SORCS1: variants seen among roughly 807,000 people sequenced by gnomAD.
SORCS1 encodes VPS10 domain-containing receptor SorCS1.
In SORCS1, 60 loss-of-function variants were observed where a neutral mutation model predicts 146.1. That is an observed-to-expected ratio of 0.41 (90% CI 0.33 to 0.51). The LOEUF is 0.51. SORCS1 is among the 20% of genes least tolerant of loss of function. The pLI is 0.21. For synonymous variants in SORCS1, 637 were observed against 584.0 expected (o/e 1.09, Z -1.31); for missense variants, 1,352 against 1,487.6 (o/e 0.91, Z 1.50).
At chr10:106,789,780 C>T (rs1946225245) in intron 3 of SORCS1, among the ~76,000 whole-genome samples, 1 of 152,210 alleles carries the variant, frequency 6.6e-6, no homozygotes, top group African/African-American at 2.4e-5. Flanking sequence ...CTCTGCAGTA[C>T]CAATTCACTG....
At chr10:106,602,512 AACACACAC>A (rs66699179) in intron 23 of SORCS1, among the ~76,000 whole-genome samples, 35 of 138,848 alleles carry the variant, frequency 2.5e-4, no homozygotes, top group African/African-American at 5.9e-4. Context: ...ATTCCTTCAT[AACACACAC>A]ACACACACAC....
intron 18 of SORCS1, among the ~76,000 whole-genome samples, chr10:106,637,703 T>C (rs185645267): frequency 6.6e-6 from 1 of 152,340 alleles, no homozygotes. Context: ...CCTAGATTTA[T>C]GACATTTCAC....
intron 1 of SORCS1, among the ~76,000 whole-genome samples, chr10:107,002,804 T>C (rs1321780446): frequency 6.6e-6 from 1 of 152,144 alleles, no homozygotes; most frequent in Non-Finnish European, 1.5e-5. Context: ...AAGGGTTATT[T>C]TTAAACACAG....
At chr10:106,599,703 G>A (rs1365749734) in intron 23 of SORCS1, among the ~76,000 whole-genome samples, 1 of 151,898 alleles carries the variant, frequency 6.6e-6, no homozygotes, top group Non-Finnish European at 1.5e-5. Context: ...GGAACTACAT[G>A]TATTTGTGGG....
At chr10:106,741,848 C>T (rs902676734) in intron 5 of SORCS1, among the ~76,000 whole-genome samples, 2 of 152,186 alleles carry the variant, frequency 1.3e-5, no homozygotes, top group African/African-American at 2.4e-5. Context: ...ATGACTAATA[C>T]ATTCTCTCCC....
intron 1 of SORCS1, among the ~76,000 whole-genome samples, chr10:107,081,775 G>T (rs531149052): frequency 6.6e-6 from 1 of 152,190 alleles, no homozygotes; most frequent in East Asian, 1.9e-4. Context: ...ACAACTCAAA[G>T]ATAATTGGCC....
At chr10:107,124,810 A>G (rs1966609117) in intron 1 of SORCS1, among the ~76,000 whole-genome samples, 1 of 152,202 alleles carries the variant, frequency 6.6e-6, no homozygotes. Context: ...TTCTCTTTAC[A>G]AAACTCACAG....
chr10:106,826,779 T>C (rs1268917565), intron 3 of SORCS1, among the ~76,000 whole-genome samples: 1 of 152,150 alleles, frequency 6.6e-6, no homozygotes, highest in Non-Finnish European at 1.5e-5. Context: ...ATCCCTTCCT[T>C]TAGGTTCACT....
rs1344451408 is a variant in SORCS1 at position 106,878,650 on chromosome 10, T to TATATATATA, written c.627-48978_627-48977insTATATATAT. ...TATATATATATATATATATATATATTTTATAGCAGCCTGAATGGACTAAGA... is the reference window on the plus strand; with the variant it reads ...TATATATATATATATATATATATATTATATATATATTATAGCAGCCTGAATGGACTAAGA... On this transcript the variant is annotated intron_variant, in intron 2 of 25. Coordinates refer to ENST00000263054, the MANE Select transcript of SORCS1 (RefSeq NM_052918.5). 4.3e-4 allele frequency among the ~76,000 whole-genome samples: 29 copies of TATATATATA among 66,830 alleles called. No individual in the cohort carries two copies. The East Asian group carries it at 5.1e-3, about 12-fold the overall frequency. The allele number at this position is 66,830 out of a possible 152,430, so 43.8% of individuals were successfully genotyped here.
intron 1 of SORCS1, among the ~76,000 whole-genome samples, chr10:106,987,421 C>G (rs6584773): frequency 0.42 from 63,679 of 152,086 alleles, 16,104 homozygotes; most frequent in African/African-American, 0.72. Context: ...GCAAGTATTT[C>G]ACTCAGATTT....
At chr10:106,989,273 A>G (rs1011376741) in intron 1 of SORCS1, among the ~76,000 whole-genome samples, 2 of 28,848 alleles carry the variant, frequency 6.9e-5, no homozygotes, top group Non-Finnish European at 1.5e-4. Context: ...CCACCTCAGA[A>G]AAAAAAAAAA....
chr10:106,811,951 G>A (rs1947480079), intron 3 of SORCS1, among the ~76,000 whole-genome samples: 1 of 152,122 alleles, frequency 6.6e-6, no homozygotes, highest in Non-Finnish European at 1.5e-5. Flanking sequence ...TCCTCAACTT[G>A]AAAATGGAGT....
chr10:107,179,100 T>C, the SORCS1 span, among the ~76,000 whole-genome samples: 1 of 152,172 alleles, frequency 6.6e-6, no homozygotes, highest in African/African-American at 2.4e-5. Flanking sequence ...AGAGCTCCCT[T>C]TTCTCTGCAT....
chr10:107,155,349 T>G (rs1237734427), intron 1 of SORCS1, among the ~76,000 whole-genome samples: 4 of 152,132 alleles, frequency 2.6e-5, no homozygotes, highest in African/African-American at 9.7e-5. Flanking sequence ...CAAACTTGAG[T>G]GTTCCCAAGA....
chr10:106,758,443 GTA>G (rs1315070139), intron 5 of SORCS1, among the ~76,000 whole-genome samples: 1 of 152,140 alleles, frequency 6.6e-6, no homozygotes, highest in African/African-American at 2.4e-5. Flanking sequence ...TGGGCACCAT[GTA>G]CAGATATTTG....
chr10:106,805,209 A>G (rs1158981332), intron 3 of SORCS1, among the ~76,000 whole-genome samples: 1 of 152,228 alleles, frequency 6.6e-6, no homozygotes, highest in Non-Finnish European at 1.5e-5. Flanking sequence ...GTGTTTAGAG[A>G]TAACAAATCA....
chr10:106,698,383 T>C (rs1354093415), intron 9 of SORCS1, among the ~76,000 whole-genome samples: 1 of 152,230 alleles, frequency 6.6e-6, no homozygotes, highest in Non-Finnish European at 1.5e-5. Flanking sequence ...TCAGCTAGAA[T>C]ATAGGTATAT....
chr10:106,877,841 A>C (rs954561519), intron 2 of SORCS1, among the ~76,000 whole-genome samples: 22 of 152,184 alleles, frequency 1.4e-4, no homozygotes, highest in Non-Finnish European at 2.8e-4. Flanking sequence ...AAAAGCAGGC[A>C]GATTCTTCCA....
intron 8 of SORCS1, among the ~76,000 whole-genome samples, chr10:106,703,458 G>C (rs1033419437): frequency 2.6e-5 from 4 of 152,104 alleles, no homozygotes; most frequent in East Asian, 1.9e-4. Context: ...GCTCAGAATG[G>C]GTTCCCAGCA....
Sources: allele counts gnomAD v4.1 joint callset (sites outside exome capture counted in the v4.1 genomes callset), GRCh38; gene constraint gnomAD v4.1.1; transcripts MANE v1.5; gene names NCBI Gene and HGNC (gene_info 2026-07-23, HGNC 2026-07-21).